Variants in GYS2 observed in about 807,000 individuals in gnomAD.
GYS2 encodes glycogen [starch] synthase, liver.
Under a neutral mutation model 85.6 loss-of-function variants are expected in GYS2, and 80 were observed. The ratio of observed to expected loss-of-function variants is 0.93; its 90% confidence interval spans 0.78 to 1.13. The LOEUF is 1.13. GYS2 is among the 50% of genes most tolerant of loss of function. The pLI is 0.00. For missense variants in GYS2, 881 were observed against 854.9 expected, an observed-to-expected ratio of 1.03 and a Z score of -0.38; for synonymous variants, 328 against 300.7, an observed-to-expected ratio of 1.09 and a Z score of -0.94.
chr12:21,576,306 T>G (rs1011016752), intron 2 of GYS2, among the ~76,000 whole-genome samples: 1 of 152,228 alleles, frequency 6.6e-6, no homozygotes, highest in Non-Finnish European at 1.5e-5. Flanking sequence ...ATCTAAATCA[T>G]GTAATCTCTG....
At chr12:21,583,913 A>G (rs1255173366) in intron 1 of GYS2, among the ~76,000 whole-genome samples, 2 of 152,206 alleles carry the variant, frequency 1.3e-5, no homozygotes, top group Admixed American at 6.5e-5. Context: ...AAGGGGCTCA[A>G]ATGCCCATGG....
chr12:21,568,991 C>T lies in GYS2; in HGVS notation c.697G>A (p.Ala233Thr), dbSNP rs1360520572. 2 of 1,613,986 alleles carry T rather than the reference C, an allele frequency of 1.2e-6. No individual in the cohort carries two copies. The highest frequency in any genetic ancestry group is 1.7e-6 in the Non-Finnish European group (2 of 1,179,996). Residue 233 changes from alanine to threonine, a missense_variant, in exon 5 of 16, where the codon GCT (alanine) becomes ACT (threonine). Coordinates refer to ENST00000261195, the MANE Select transcript of GYS2 (RefSeq NM_021957.4). Reference sequence around the variant, plus strand: ...CGGTGGTAAATCTGCCTTTCCCCAGCCTCTTTGTCAATGTTAAACTGTTAG... The same window carrying T: ...CGGTGGTAAATCTGCCTTTCCCCAGTCTCTTTGTCAATGTTAAACTGTTAG... ...HLDKFNIDKEAGERQIYHRYC... is the reference protein window; with the variant it reads ...HLDKFNIDKETGERQIYHRYC...
Position 21,546,487 on chromosome 12 carries a change from C to T in GYS2, c.1423-17G>A. 2 of 1,557,598 alleles carry T rather than the reference C, an allele frequency of 1.3e-6. No homozygotes were observed. ...CAAAATCACCTAAAAAAGGAAAATT[C>T]TAATTTAAAAAAAAAGAAAAAGGAG... On this transcript the variant is annotated splice_polypyrimidine_tract_variant and intron_variant, in intron 11 of 15. Coordinates refer to ENST00000261195, the MANE Select transcript of GYS2 (RefSeq NM_021957.4).
intron 11 of GYS2, among the ~76,000 whole-genome samples, chr12:21,547,323 GT>G (rs1398770335): frequency 6.6e-6 from 1 of 152,140 alleles, no homozygotes; most frequent in Non-Finnish European, 1.5e-5. Flanking sequence ...ACATGTAGAT[GT>G]TTATAACAAC....
intron 12 of GYS2, among the ~76,000 whole-genome samples, chr12:21,543,715 G>C (rs1944006355): frequency 6.6e-6 from 1 of 152,088 alleles, no homozygotes; most frequent in South Asian, 2.1e-4. Flanking sequence ...GCATGCATTA[G>C]GTATTTGTCC....
chr12:21,537,475 G>T, intron 15 of GYS2: 1 of 368,304 alleles, frequency 2.7e-6, no homozygotes. Context: ...GAAAATGGAG[G>T]GTTAGAGGGG....
At chr12:21,558,408 C>A in intron 10 of GYS2, 95 bp from the exon 11 acceptor site, 1 of 767,062 alleles carries the variant, frequency 1.3e-6, no homozygotes, top group Non-Finnish European at 2.3e-6. Context: ...ATCCAACCTT[C>A]ACACCTTCAG....
intron 13 of GYS2, among the ~76,000 whole-genome samples, chr12:21,540,983 G>A (rs1437331531): frequency 2.0e-5 from 3 of 152,060 alleles, no homozygotes; most frequent in African/African-American, 7.2e-5. Context: ...ATAAAAGACT[G>A]AGGGAAGGCC....
rs557328536 is a variant in GYS2, at chr12:21,552,965, CAT to C, written c.1422+5233_1422+5234del. ...TCTCCTAAAAATAATGAGTTCCCAT[CAT>C]GTGTCAGATTCTGGGCTAAGAACTA... On this transcript the variant is annotated intron_variant, in intron 11 of 15. Transcript: ENST00000261195. Among the ~76,000 whole-genome samples, 231 of 152,308 alleles carry C rather than the reference CAT, an allele frequency of 1.5e-3. 1 individual carries two copies. The highest frequency in any genetic ancestry group is 4.6e-3 in the African/African-American group (192 of 41,570).
At chr12:21,556,887 T>C (rs907714247) in intron 11 of GYS2, among the ~76,000 whole-genome samples, 1 of 152,116 alleles carries the variant, frequency 6.6e-6, no homozygotes, top group African/African-American at 2.4e-5. Context: ...ATTTGTTTGA[T>C]TTTTTTAACA....
chr12:21,535,785 G>A (rs973704943), downstream of GYS2, among the ~76,000 whole-genome samples: 2 of 152,168 alleles, frequency 1.3e-5, no homozygotes, highest in Non-Finnish European at 2.9e-5. Flanking sequence ...GGAACTCACT[G>A]TGAGTTAAGT....
At chr12:21,538,309 T>C (rs1415140242) in intron 15 of GYS2, among the ~76,000 whole-genome samples, 3 of 152,328 alleles carry the variant, frequency 2.0e-5, no homozygotes, top group South Asian at 4.1e-4. Flanking sequence ...AAACCTGATA[T>C]AGGTGGAATA....
intron 4 of GYS2, among the ~76,000 whole-genome samples, chr12:21,569,582 G>C (rs1292034857): frequency 2.0e-5 from 3 of 152,142 alleles, no homozygotes; most frequent in Admixed American, 6.5e-5. Flanking sequence ...CTATGCTTCT[G>C]GGTAGCTTAA....
chr12:21,543,414 A>T (rs996670159), intron 12 of GYS2, among the ~76,000 whole-genome samples: 10 of 152,148 alleles, frequency 6.6e-5, no homozygotes, highest in African/African-American at 2.4e-4. Flanking sequence ...GGAAAGTGGG[A>T]TGGGGACTAT....
rs751455210 is a variant in GYS2, at chr12:21,539,319, T to C, written c.1829A>G (p.His610Arg). 1.2e-6 allele frequency: 2 copies of C among 1,600,424 alleles called. No homozygotes were observed. Among genetic ancestry groups the C allele is most frequent in the Admixed American group, 3.3e-5 (2 of 60,000 alleles). ...YLGRYYQHAR[H>R]LTLSRAFPDK... ...TGGAAAAGCTCTGCTTAATGTCAGGTGTCTGGCATGCTGGTAATACTATTG... is the reference window on the plus strand; with the variant it reads ...TGGAAAAGCTCTGCTTAATGTCAGGCGTCTGGCATGCTGGTAATACTATTG... The change falls in exon 15 of 16, where the codon CAC (histidine) becomes CGC (arginine). Residue 610 changes from histidine to arginine, a missense_variant. Transcript: ENST00000261195.
intron 1 of GYS2, among the ~76,000 whole-genome samples, chr12:21,585,798 A>T (rs1396543125): frequency 6.6e-6 from 1 of 152,158 alleles, no homozygotes; most frequent in Non-Finnish European, 1.5e-5. Context: ...TTCCTTTATC[A>T]TGTGACATAA....
intron 1 of GYS2, among the ~76,000 whole-genome samples, chr12:21,582,774 T>G (rs1184862713): frequency 6.6e-6 from 1 of 152,146 alleles, no homozygotes; most frequent in Non-Finnish European, 1.5e-5. Flanking sequence ...CTGCTTAATA[T>G]GATTAGACCC....
intron 5 of GYS2, among the ~76,000 whole-genome samples, chr12:21,565,009 A>G (rs1944301015): frequency 6.6e-6 from 1 of 152,144 alleles, no homozygotes; most frequent in Admixed American, 6.5e-5. Context: ...GCAAGAATGT[A>G]TGTGGATACC....
intron 2 of GYS2, among the ~76,000 whole-genome samples, chr12:21,578,588 C>G (rs11046127): frequency 3.3e-5 from 5 of 152,050 alleles, no homozygotes; most frequent in African/African-American, 9.7e-5. Context: ...AGTTTCTACA[C>G]TTGCCTTTTA....
Sources: gnomAD v4.1 joint callset for allele counts (sites outside exome capture counted in the v4.1 genomes callset) on GRCh38, gnomAD v4.1.1 for gene constraint, MANE v1.5 for transcripts, NCBI Gene and HGNC (gene_info 2026-07-23, HGNC 2026-07-21) for gene names.